Variants in RPA1 observed in about 807,000 individuals in gnomAD.
The protein encoded by RPA1 is replication protein A 70 kDa DNA-binding subunit.
RPA1 carries 49 observed loss-of-function variants against 83.0 expected under a neutral mutation model. The observed-to-expected ratio is 0.59, with a 90% CI of 0.47 to 0.75. RPA1 has a LOEUF of 0.75. RPA1 is among the 30% of genes least tolerant of loss of function. The pLI, the probability that RPA1 is intolerant of heterozygous loss-of-function variation, is 0.00. For synonymous variants in RPA1, 279 were observed against 281.8 expected (o/e 0.99, Z 0.10); for missense variants, 693 against 776.1 (o/e 0.89, Z 1.27).
At chr17:1,880,988 C>T (rs183589430) in intron 12 of RPA1, among the ~76,000 whole-genome samples, 1 of 152,326 alleles carries the variant, frequency 6.6e-6, no homozygotes, top group East Asian at 1.9e-4. Flanking sequence ...CAGCGGTGTG[C>T]TGAAGGCGCC....
chr17:1,856,352 T>C (rs1912696131), intron 5 of RPA1, among the ~76,000 whole-genome samples: 1 of 516 alleles, frequency 1.9e-3, no homozygotes, highest in South Asian at 0.083. Context: ...ATCCCAAAAC[T>C]TTTGGGGAAG....
chr17:1,832,771 T>C (rs1252846840), intron 1 of RPA1, among the ~76,000 whole-genome samples: 2 of 152,200 alleles, frequency 1.3e-5, no homozygotes, highest in Non-Finnish European at 2.9e-5. Context: ...ATCTATTGCA[T>C]AAGGTAAGTA....
At position 1,844,756 on chromosome 17, in the gene RPA1, A is replaced by G. The variant is rs1175015251; in HGVS notation, c.272+70A>G. On this transcript the variant is annotated intron_variant, in intron 4 of 16. Coordinates refer to ENST00000254719, the MANE Select transcript of RPA1 (RefSeq NM_002945.5). The stretch of plus-strand genomic sequence containing the variant: ...AACAAATTTAGGAATAAAAAAGGCA[A>G]TAGTGAGTTTTCAGCTAAGAATCTG... 2.5e-6 allele frequency: 3 copies of G among 1,204,254 alleles called. No individual in the cohort carries two copies. In the Admixed American group the frequency reaches 6.1e-5, roughly 25 times the overall value. 74.6% of individuals were successfully genotyped at this position (1,204,254 alleles called of 1,614,324 possible).
intron 5 of RPA1, among the ~76,000 whole-genome samples, chr17:1,869,526 G>A (rs570612186): frequency 2.1e-4 from 27 of 130,566 alleles, no homozygotes; most frequent in Admixed American, 1.6e-3. Flanking sequence ...TAACAAGAGC[G>A]AGACTACGTC....
chr17:1,888,734 C>A lies in RPA1; in HGVS notation c.1434C>A (p.Tyr478Ter). Residue 478 changes from tyrosine to a stop codon, truncating the protein, a stop_gained, in exon 14 of 17, where the codon TAC becomes TAA. Transcript: ENST00000254719. LOFTEE classifies it high-confidence loss of function. ...ATCTTCGCAAAGAGAACTGCATGTACCAAGCCTGCCCGACTCAGGACTGCA... is the reference window on the plus strand; with the variant it reads ...ATCTTCGCAAAGAGAACTGCATGTAACAAGCCTGCCCGACTCAGGACTGCA... ...VVYLRKENCMYQACPTQDCNK... is the reference protein window; with the variant it reads ...VVYLRKENCM The A allele has an allele frequency of 6.2e-7, 1 of 1,614,210 alleles. No homozygotes were observed. Among genetic ancestry groups the A allele is most frequent in the Non-Finnish European group, 8.5e-7 (1 of 1,180,038 alleles).
chr17:1,896,139 C>T (rs954304796), intron 16 of RPA1, among the ~76,000 whole-genome samples: 1 of 152,174 alleles, frequency 6.6e-6, no homozygotes, highest in African/African-American at 2.4e-5. Context: ...CAGAGAGACA[C>T]GGGCATTCAG....
intron 1 of RPA1, among the ~76,000 whole-genome samples, chr17:1,840,776 C>G (rs1167692557): frequency 6.6e-6 from 1 of 152,066 alleles, no homozygotes; most frequent in Non-Finnish European, 1.5e-5. Context: ...AAATAATTTA[C>G]TTTTGAAGCC....
At chr17:1,867,359 TATTTA>T (rs1913215049) in intron 5 of RPA1, among the ~76,000 whole-genome samples, 1 of 152,012 alleles carries the variant, frequency 6.6e-6, no homozygotes, top group Non-Finnish European at 1.5e-5. Flanking sequence ...GTGTGTGTTG[TATTTA>T]ATTGAATGAT....
At chr17:1,863,768 T>C (rs948181198) in intron 5 of RPA1, among the ~76,000 whole-genome samples, 2 of 152,362 alleles carry the variant, frequency 1.3e-5, no homozygotes, top group African/African-American at 4.8e-5. Flanking sequence ...TTTCAAATGG[T>C]TGTTATGTTT....
intron 16 of RPA1, among the ~76,000 whole-genome samples, chr17:1,896,497 A>G (rs1317147165): frequency 1.4e-5 from 2 of 139,914 alleles, no homozygotes; most frequent in African/African-American, 5.2e-5. Context: ...AGGGGATCAG[A>G]TGTCACCGTG....
At chr17:1,883,164 T>A (rs906141589) in intron 12 of RPA1, among the ~76,000 whole-genome samples, 9 of 151,804 alleles carry the variant, frequency 5.9e-5, no homozygotes, top group Admixed American at 2.0e-4. Flanking sequence ...CTTAAAAAAA[T>A]TTTTTTTTCG....
chr17:1,857,881 G>C (rs916376788), intron 5 of RPA1, among the ~76,000 whole-genome samples: 5 of 147,806 alleles, frequency 3.4e-5, no homozygotes, highest in African/African-American at 1.2e-4. Flanking sequence ...CCACTATTAA[G>C]GTCTACCAGG....
rs537482918 is a variant in RPA1 at position 1,892,274 on chromosome 17, G to A, written c.1659+334G>A. Among the ~76,000 whole-genome samples the A allele has an allele frequency of 5.3e-5, 8 of 152,232 alleles. 1 individual carries two copies. In the East Asian group the frequency reaches 1.2e-3, roughly 22 times the overall value. On this transcript the variant is annotated intron_variant, in intron 15 of 16. Coordinates refer to ENST00000254719, the MANE Select transcript of RPA1 (RefSeq NM_002945.5). ...CCCGCTTCAGCCACCCGAAATGCTG[G>A]GATTACAGGTGTGAGCCACCACACC... is the stretch of plus-strand genomic sequence containing the variant.
chr17:1,896,548 T>G (rs937805031), intron 16 of RPA1, among the ~76,000 whole-genome samples: 2 of 152,046 alleles, frequency 1.3e-5, no homozygotes, highest in Non-Finnish European at 2.9e-5. Flanking sequence ...GGGGGATTTT[T>G]GGGGCCATTC....
At chr17:1,870,538 G>C (rs775354402) in intron 5 of RPA1, among the ~76,000 whole-genome samples, 1 of 152,176 alleles carries the variant, frequency 6.6e-6, no homozygotes, top group Non-Finnish European at 1.5e-5. Context: ...GTCCATTAAC[G>C]TTGGCGTAAG....
chr17:1,852,915 T>C (rs1255642791), intron 4 of RPA1, among the ~76,000 whole-genome samples, 186 bp from the exon 5 acceptor site: 2 of 152,330 alleles, frequency 1.3e-5, no homozygotes, highest in African/African-American at 4.8e-5. Context: ...AGGAACTAGT[T>C]GGGAACTGAA....
chr17:1,896,749 C>G (rs1208224317), intron 16 of RPA1, among the ~76,000 whole-genome samples: 4 of 152,184 alleles, frequency 2.6e-5, no homozygotes, highest in African/African-American at 9.7e-5. Flanking sequence ...GTCACATGTC[C>G]TCTCTGGGCT....
intron 16 of RPA1, among the ~76,000 whole-genome samples, chr17:1,895,975 C>T (rs1357704526): frequency 4.6e-5 from 7 of 152,034 alleles, no homozygotes; most frequent in South Asian, 4.1e-4. Flanking sequence ...TGAGCCACCG[C>T]GCCCAGCTTA....
chr17:1,895,054 T>C lies in RPA1; in HGVS notation c.1705T>C (p.Ser569Pro). ...EEVFQNANFRSFIFRVRVKVE... is the reference protein window; with the variant it reads ...EEVFQNANFRPFIFRVRVKVE... ...AGTTTTCCAGAATGCCAACTTCCGA[T>C]CTTTCATATTCAGAGTCAGGGTCAA... The change falls in exon 16 of 17, where the codon TCT becomes CCT. Residue 569 changes from serine (S) to proline (P), a missense_variant. Physicochemically the swap from Ser to Pro is moderately conservative, Grantham distance 74. Transcript: ENST00000254719. The C allele has an allele frequency of 5.0e-6, 8 of 1,613,796 alleles. No homozygotes were observed. The highest frequency in any genetic ancestry group is 6.8e-6 in the Non-Finnish European group (8 of 1,179,800).
Sources: allele counts gnomAD v4.1 joint callset (sites outside exome capture counted in the v4.1 genomes callset), GRCh38; gene constraint gnomAD v4.1.1; transcripts MANE v1.5; gene names NCBI Gene and HGNC (gene_info 2026-07-23, HGNC 2026-07-21).